MCU: variants seen among roughly 807,000 people sequenced by gnomAD.
The protein encoded by MCU is mitochondrial calcium uniporter.
In MCU, 12 loss-of-function variants were observed where a neutral mutation model predicts 45.2. The observed-to-expected ratio is 0.27, with a 90% CI of 0.17 to 0.43. The LOEUF is 0.43. Ranked by LOEUF, MCU falls within the 20% of genes least tolerant of loss-of-function variation. The probability of loss-of-function intolerance (pLI) is 1.00; values close to 1 mark genes in which losing one functional copy is unlikely to be tolerated. For missense variants in MCU, 324 were observed against 436.7 expected (o/e 0.74, Z 2.30); for synonymous variants, 160 against 165.1 (o/e 0.97, Z 0.24).
chr10:72,860,338 T>A (rs1845357045), intron 3 of MCU, 85 bp from the exon 4 acceptor site: 7 of 1,211,550 alleles, frequency 5.8e-6, no homozygotes, highest in Non-Finnish European at 7.1e-6. Flanking sequence ...AGGTAATTTT[T>A]AAAAACGATT....
At chr10:72,849,996 C>G (rs1448918372) in intron 2 of MCU, among the ~76,000 whole-genome samples, 2 of 151,468 alleles carry the variant, frequency 1.3e-5, no homozygotes, top group East Asian at 1.9e-4. Flanking sequence ...TCACTGCAAC[C>G]TCCGCCTCCC....
chr10:72,790,827 G>A (rs1035113773), intron 1 of MCU, among the ~76,000 whole-genome samples: 1 of 152,090 alleles, frequency 6.6e-6, no homozygotes, highest in Non-Finnish European at 1.5e-5. Context: ...AATCTCCTAG[G>A]ATCTCATTCC....
At chr10:72,870,185 A>AT in intron 5 of MCU, among the ~76,000 whole-genome samples, 1 of 152,308 alleles carries the variant, frequency 6.6e-6, no homozygotes, top group East Asian at 1.9e-4. Flanking sequence ...TACTCTTAGT[A>AT]TTTTGCATTT....
chr10:72,781,359 CTT>C, intron 1 of MCU, among the ~76,000 whole-genome samples: 2 of 152,326 alleles, frequency 1.3e-5, no homozygotes, highest in South Asian at 2.1e-4. Flanking sequence ...GCCTCTGACA[CTT>C]TGCTTTCTGC....
At chr10:72,805,160 T>TTTCTTTC (rs71482529) in intron 1 of MCU, among the ~76,000 whole-genome samples, 1 of 141,206 alleles carries the variant, frequency 7.1e-6, no homozygotes, top group Non-Finnish European at 1.5e-5. Flanking sequence ...TCTTTCTTTC[T>TTTCTTTC]GTCTCTCTCT....
At chr10:72,869,337 C>T (rs536623710) in intron 5 of MCU, among the ~76,000 whole-genome samples, 1 of 152,368 alleles carries the variant, frequency 6.6e-6, no homozygotes, top group South Asian at 2.1e-4. Flanking sequence ...GTAATCCCAA[C>T]ACTTTGGGAG....
Position 72,849,390 on chromosome 10 carries a change from T to C in MCU, c.221-9787T>C, listed in dbSNP as rs543281228. On this transcript the variant is annotated intron_variant, in intron 2 of 7. Coordinates refer to ENST00000373053, the MANE Select transcript of MCU (RefSeq NM_138357.3). The stretch of plus-strand genomic sequence containing the variant: ...GATGCCAGGTAATTTTCTGGCTTGG[T>C]CAAAAATAAAATAATGGTGGTGTTA... 2.0e-5 allele frequency among the ~76,000 whole-genome samples: 3 copies of C among 152,120 alleles called. No individual in the cohort carries two copies. The South Asian group carries it at 6.2e-4, about 32-fold the overall frequency.
Position 72,742,890 on chromosome 10 carries a change from A to G in MCU, c.150+50589A>G, listed in dbSNP as rs71479459. Among the ~76,000 whole-genome samples, 149 of 152,276 alleles carry G rather than the reference A, an allele frequency of 9.8e-4. 1 individual carries two copies. The highest frequency in any genetic ancestry group is 1.4e-3 in the Non-Finnish European group (97 of 68,032). ...CCTGAGGTGATTTCTAGGGGGTGCA[A>G]TGCTATAAATGCTGCTAGGGATTTT... On this transcript the variant is annotated intron_variant, in intron 1 of 7. Coordinates refer to ENST00000373053, the MANE Select transcript of MCU (RefSeq NM_138357.3).
At chr10:72,829,322 C>CA (rs34102458) in intron 1 of MCU, among the ~76,000 whole-genome samples, 1,225 of 116,596 alleles carry the variant, frequency 0.011, 24 homozygotes, top group South Asian at 0.056. Flanking sequence ...GACACTGTCT[C>CA]AAAAAAAAAA....
chr10:72,877,313 C>T (rs1201366978), intron 6 of MCU, among the ~76,000 whole-genome samples: 1 of 152,080 alleles, frequency 6.6e-6, no homozygotes, highest in East Asian at 1.9e-4. Context: ...TTTGAATAAA[C>T]TTAGTGTGTA....
At chr10:72,738,981 CATT>C (rs376252871) in intron 1 of MCU, among the ~76,000 whole-genome samples, 15 of 152,234 alleles carry the variant, frequency 9.9e-5, no homozygotes, top group African/African-American at 3.6e-4. Flanking sequence ...ACACTCTTCT[CATT>C]ATTATATTCA....
chr10:72,719,507 T>C (rs1458229816), intron 1 of MCU, among the ~76,000 whole-genome samples: 1 of 152,222 alleles, frequency 6.6e-6, no homozygotes, highest in African/African-American at 2.4e-5. Flanking sequence ...AATATTCATG[T>C]GTTTACGAGT....
intron 1 of MCU, among the ~76,000 whole-genome samples, chr10:72,797,157 C>T (rs1844260983): frequency 6.6e-6 from 1 of 151,768 alleles, no homozygotes; most frequent in Non-Finnish European, 1.5e-5. Flanking sequence ...TCTCCTGTTA[C>T]TAGTATATTT....
At chr10:72,710,267 C>T (rs762994531) in intron 1 of MCU, among the ~76,000 whole-genome samples, 1 of 152,092 alleles carries the variant, frequency 6.6e-6, no homozygotes, top group Non-Finnish European at 1.5e-5. Flanking sequence ...TGAGCTATAG[C>T]GCCTGGTTAA....
intron 2 of MCU, among the ~76,000 whole-genome samples, chr10:72,849,144 G>T (rs111353339): frequency 1.7e-4 from 26 of 152,102 alleles, no homozygotes; most frequent in Non-Finnish European, 3.1e-4. Context: ...AGCCGGGCAT[G>T]GTGGCAGGCA....
At chr10:72,750,058 T>G (rs1303762928) in intron 1 of MCU, among the ~76,000 whole-genome samples, 1 of 152,092 alleles carries the variant, frequency 6.6e-6, no homozygotes, top group African/African-American at 2.4e-5. Flanking sequence ...GTGCTGGGAT[T>G]ACAGGTGTGA....
At chr10:72,832,031 AC>A (rs1844886105) in intron 1 of MCU, among the ~76,000 whole-genome samples, 1 of 152,088 alleles carries the variant, frequency 6.6e-6, no homozygotes, top group Non-Finnish European at 1.5e-5. Context: ...TATATATATA[AC>A]TAAAACAAAG....
At chr10:72,858,315 G>T (rs571396065) in intron 2 of MCU, among the ~76,000 whole-genome samples, 1 of 152,170 alleles carries the variant, frequency 6.6e-6, no homozygotes, top group Non-Finnish European at 1.5e-5. Flanking sequence ...ATGATCTGAG[G>T]GTGGAGTTTT....
chr10:72,733,710 T>TA (rs1843212719), intron 1 of MCU, among the ~76,000 whole-genome samples: 1 of 93,622 alleles, frequency 1.1e-5, no homozygotes, highest in Non-Finnish European at 2.6e-5. Flanking sequence ...TATATTTTTT[T>TA]AAAGAACATT....
Sources: allele counts gnomAD v4.1 joint callset (sites outside exome capture counted in the v4.1 genomes callset), GRCh38; gene constraint gnomAD v4.1.1; transcripts MANE v1.5; gene names NCBI Gene and HGNC (gene_info 2026-07-23, HGNC 2026-07-21).